SMAD1: variants seen among roughly 807,000 people sequenced by gnomAD.
The protein encoded by SMAD1 is SMAD family member 1.
SMAD1 carries 6 observed loss-of-function variants against 41.6 expected under a neutral mutation model. The ratio of observed to expected loss-of-function variants is 0.14; its 90% CI spans 0.08 to 0.28. The LOEUF is 0.28. Ranked by LOEUF, SMAD1 falls within the 10% of genes least tolerant of loss-of-function variation. The pLI, the probability that SMAD1 is intolerant of heterozygous loss-of-function variation, is 1.00. For synonymous variants in SMAD1, 206 were observed against 203.2 expected (o/e 1.01, Z -0.12); for missense variants, 379 against 582.6 (o/e 0.65, Z 3.60).
Position 145,527,368 on chromosome 4 carries a change from C to T in SMAD1, c.400+12355C>T, listed in dbSNP as rs185885904. On this transcript the variant is annotated intron_variant, in intron 2 of 6. Transcript: ENST00000302085. Reference sequence around the variant, plus strand: ...CCTCCCAAGTAGCTGGGACTACAGGCGCCCGCCACTACGCCCAGCCAATTT... The same window carrying T: ...CCTCCCAAGTAGCTGGGACTACAGGTGCCCGCCACTACGCCCAGCCAATTT... Among the ~76,000 whole-genome samples the T allele has an allele frequency of 4.1e-4, 62 of 151,508 alleles. No homozygotes were observed. In the East Asian group the frequency reaches 0.01, roughly 25 times the overall value.
At chr4:145,496,048 A>G (rs1729055328) in intron 1 of SMAD1, among the ~76,000 whole-genome samples, 1 of 152,006 alleles carries the variant, frequency 6.6e-6, no homozygotes, top group Non-Finnish European at 1.5e-5. Context: ...ATAGCTTATA[A>G]TGTCTTATTC....
At chr4:145,533,038 G>A (rs1165399589) in intron 2 of SMAD1, among the ~76,000 whole-genome samples, 5 of 152,188 alleles carry the variant, frequency 3.3e-5, no homozygotes, top group East Asian at 1.9e-4. Flanking sequence ...GGGGTAGAGC[G>A]AGAGACATCT....
intron 2 of SMAD1, among the ~76,000 whole-genome samples, chr4:145,533,968 C>G (rs752800339): frequency 2.0e-5 from 3 of 152,008 alleles, no homozygotes; most frequent in Non-Finnish European, 2.9e-5. Context: ...GGAGATAGGG[C>G]CTTTAAAAGA....
intron 1 of SMAD1, among the ~76,000 whole-genome samples, chr4:145,511,541 A>G (rs1400555071): frequency 6.6e-6 from 1 of 152,184 alleles, no homozygotes; most frequent in East Asian, 1.9e-4. Context: ...TGCTGGGATT[A>G]CTGGGCTAAT....
intron 1 of SMAD1, among the ~76,000 whole-genome samples, chr4:145,484,080 T>C (rs2126924441): frequency 1.3e-5 from 2 of 152,346 alleles, no homozygotes; most frequent in Middle Eastern, 6.8e-3. Flanking sequence ...TTTCACTTTG[T>C]AATTTTGATT....
At chr4:145,540,443 G>GA (rs1247657475) in intron 3 of SMAD1, among the ~76,000 whole-genome samples, 3 of 152,120 alleles carry the variant, frequency 2.0e-5, no homozygotes, top group African/African-American at 7.2e-5. Context: ...TTCATACATG[G>GA]AAAAAACTCC....
At chr4:145,543,591 T>A (rs1456373829) in intron 4 of SMAD1, among the ~76,000 whole-genome samples, 2 of 152,172 alleles carry the variant, frequency 1.3e-5, no homozygotes, top group African/African-American at 4.8e-5. Context: ...CTTTCCCCCT[T>A]TAGTAAAGGG....
At position 145,482,420 on chromosome 4, in the gene SMAD1, G is replaced by T. The variant is rs560169271; in HGVS notation, c.-177+382G>T. On this transcript the variant is annotated intron_variant, in intron 1 of 6. Transcript: ENST00000302085. This position sits in a 1 kb window ranked among gnomAD's most constrained non-coding sequence, Gnocchi z 4.2. ...ATCTCCCCGGCCGCGCTCCCCTTCC[G>T]CGCGCTCCTCACATCTCTCCCGTGC... 1 of 152,088 alleles carries T rather than the reference G, an allele frequency of 6.6e-6. No homozygotes were observed. Among genetic ancestry groups the T allele is most frequent in the African/African-American group, 2.4e-5 (1 of 41,342 alleles). The allele number at this position is 152,088 out of a possible 1,614,324, so 9.4% of individuals were successfully genotyped here.
chr4:145,550,710 T>G (rs1401967687), intron 5 of SMAD1, among the ~76,000 whole-genome samples: 1 of 152,196 alleles, frequency 6.6e-6, no homozygotes, highest in Admixed American at 6.5e-5. Context: ...TTTTAAAAAT[T>G]ATGTAAGTCA....
intron 2 of SMAD1, chr4:145,516,973 T>C (rs918950857): frequency 6.6e-6 from 1 of 152,200 alleles, no homozygotes; most frequent in African/African-American, 2.4e-5. Flanking sequence ...ACACTATGAA[T>C]ATGTCTTCTC....
At chr4:145,523,519 C>T (rs1256674995) in intron 2 of SMAD1, among the ~76,000 whole-genome samples, 4 of 152,104 alleles carry the variant, frequency 2.6e-5, no homozygotes, top group Non-Finnish European at 5.9e-5. Flanking sequence ...GAAAAACTAG[C>T]ACAAAGGTGT....
At chr4:145,484,550 T>C (rs990121379) in intron 1 of SMAD1, 3 of 152,374 alleles carry the variant, frequency 2.0e-5, no homozygotes, top group African/African-American at 7.2e-5. Flanking sequence ...GTTTTGTTTA[T>C]AGTGGAAAGG....
chr4:145,494,745 A>G (rs1469308691), intron 1 of SMAD1, among the ~76,000 whole-genome samples: 1 of 152,214 alleles, frequency 6.6e-6, no homozygotes, highest in African/African-American at 2.4e-5. Context: ...TTAGAATTAC[A>G]TCAGGAAATA....
intron 4 of SMAD1, among the ~76,000 whole-genome samples, chr4:145,543,497 TCTAA>T (rs2126524142): frequency 6.6e-6 from 1 of 152,346 alleles, no homozygotes; most frequent in East Asian, 1.9e-4. Context: ...GCTATTTGTT[TCTAA>T]CTTTGTTACT....
chr4:145,482,227 C>A lies in SMAD1; in HGVS notation c.-177+189C>A, dbSNP rs868743280. Among the ~76,000 whole-genome samples the A allele has an allele frequency of 2.0e-5, 3 of 149,758 alleles. No homozygotes were observed. Among genetic ancestry groups the A allele is most frequent in the Non-Finnish European group, 4.5e-5 (3 of 66,428 alleles). ...TTCTGCGCGGGGCGGGCCGCGACCCCCCCCCCCCATGATGGCGCCTCCCGT... is the reference window on the plus strand; with the variant it reads ...TTCTGCGCGGGGCGGGCCGCGACCCACCCCCCCCATGATGGCGCCTCCCGT... On this transcript the variant is annotated intron_variant, in intron 1 of 6. Coordinates refer to ENST00000302085, the MANE Select transcript of SMAD1 (RefSeq NM_005900.3). The surrounding 1 kb of genome is among the most constrained non-coding windows in gnomAD (Gnocchi z 4.2).
Position 145,558,308 on chromosome 4 carries a change from G to A in SMAD1, c.*374G>A, listed in dbSNP as rs779703630. 6.6e-6 allele frequency among the ~76,000 whole-genome samples: 1 copy of A among 152,164 alleles called. No homozygotes were observed. Among genetic ancestry groups the A allele is most frequent in the Non-Finnish European group, 1.5e-5 (1 of 68,014 alleles). ...ACTTTAAGGTCATCGTTGGGCAGAA[G>A]TTTAGCATTAATAGTTGTTCTGAAA... On this transcript the variant is annotated 3_prime_UTR_variant, in exon 7 of 7. Transcript: ENST00000302085.
intron 1 of SMAD1, among the ~76,000 whole-genome samples, chr4:145,485,607 A>C (rs979165810): frequency 6.6e-6 from 1 of 152,200 alleles, no homozygotes; most frequent in Non-Finnish European, 1.5e-5. Flanking sequence ...AAAGATGGAA[A>C]GACATATATA....
rs568919717 is a variant in SMAD1 at position 145,496,087 on chromosome 4, T to G, written c.-177+14049T>G. On this transcript the variant is annotated intron_variant, in intron 1 of 6. Transcript: ENST00000302085. ...GCTCTTTAGATTAAAGTGAATTTAA[T>G]TTTGTCACTGCTGCCTTGATAAAAC... Among the ~76,000 whole-genome samples, 42 of 152,260 alleles carry G rather than the reference T, an allele frequency of 2.8e-4. 1 individual carries two copies. The highest frequency in any genetic ancestry group is 9.4e-4 in the African/African-American group (39 of 41,528).
chr4:145,517,313 C>T (rs1053238135), intron 2 of SMAD1, among the ~76,000 whole-genome samples: 1 of 152,128 alleles, frequency 6.6e-6, no homozygotes, highest in African/African-American at 2.4e-5. Context: ...TCTTATTTAT[C>T]GTTTGTGTCT....
Sources: allele counts gnomAD v4.1 joint callset (sites outside exome capture counted in the v4.1 genomes callset), GRCh38; gene constraint gnomAD v4.1.1; non-coding constraint Gnocchi (gnomAD v3.1); transcripts MANE v1.5; gene names NCBI Gene and HGNC (gene_info 2026-07-23, HGNC 2026-07-21).